SHISA9: variants seen among roughly 807,000 people sequenced by gnomAD.
SHISA9 encodes shisa family member 9, also known as protein shisa-9.
SHISA9 carries 13 observed loss-of-function variants against 38.0 expected under a neutral mutation model. The observed-to-expected ratio is 0.34, with a 90% CI of 0.22 to 0.54. The LOEUF is 0.54. SHISA9 is among the 20% of genes least tolerant of loss of function. The probability of loss-of-function intolerance (pLI) is 0.91; values close to 1 mark genes in which losing one functional copy is unlikely to be tolerated. For missense variants in SHISA9, 538 were observed against 575.8 expected, an observed-to-expected ratio of 0.93 and a Z score of 0.67; for synonymous variants, 275 against 242.0, an observed-to-expected ratio of 1.14 and a Z score of -1.27.
chr16:12,952,305 G>A (rs557617215), intron 2 of SHISA9, among the ~76,000 whole-genome samples: 4 of 152,312 alleles, frequency 2.6e-5, no homozygotes, highest in African/African-American at 7.2e-5. Context: ...CTGGGCCTGT[G>A]CATCTCCTCT....
At chr16:13,216,137 A>G (rs992844429) in intron 4 of SHISA9, among the ~76,000 whole-genome samples, 1 of 150,366 alleles carries the variant, frequency 6.7e-6, no homozygotes, top group African/African-American at 2.5e-5. Flanking sequence ...CAGTGAGCCA[A>G]GATCATGCCA....
At chr16:13,542,852 G>C in the SHISA9 span, among the ~76,000 whole-genome samples, 1 of 152,186 alleles carries the variant, frequency 6.6e-6, no homozygotes, top group African/African-American at 2.4e-5. Flanking sequence ...CATCAACTGA[G>C]AGCGTTTCTG....
At chr16:13,317,638 G>T in the SHISA9 span, among the ~76,000 whole-genome samples, 1 of 152,074 alleles carries the variant, frequency 6.6e-6, no homozygotes, top group South Asian at 2.1e-4. Context: ...CTCAGTCCCT[G>T]CCTCTGTAGA....
chr16:13,484,326 C>CAATT, the SHISA9 span, among the ~76,000 whole-genome samples: 1 of 152,144 alleles, frequency 6.6e-6, no homozygotes, highest in Non-Finnish European at 1.5e-5. Context: ...ACCCCTTGTA[C>CAATT]AATTGTAACT....
intron 2 of SHISA9, among the ~76,000 whole-genome samples, chr16:13,133,938 T>TA (rs2050326137): frequency 6.6e-6 from 1 of 152,234 alleles, no homozygotes; most frequent in South Asian, 2.1e-4. Flanking sequence ...ATAAAGCAGA[T>TA]AAAATCTTAG....
In SHISA9 at chr16:12,954,710, CATTTTTATTTTA is replaced by C. The variant is rs2071805080; in HGVS notation, c.691+37896_691+37907del. Among the ~76,000 whole-genome samples the C allele has an allele frequency of 7.2e-5, 11 of 152,282 alleles. No individual in the cohort carries two copies. In the South Asian group the frequency reaches 2.3e-3, roughly 32 times the overall value. ...TATTCTGTGGAATAAATACTACTAT[CATTTTTATTTTA>C]CAGATTAGGAAACAGTTGTAGAGGG... On this transcript the variant is annotated intron_variant, in intron 2 of 4. Transcript: ENST00000558583.
At chr16:13,416,791 GGGAA>G in the SHISA9 span, among the ~76,000 whole-genome samples, 115 of 73,034 alleles carry the variant, frequency 1.6e-3, 1 homozygote, top group South Asian at 0.017. Flanking sequence ...AAGGAAGGAA[GGGAA>G]GGAAGGAAGG....
At chr16:13,081,284 C>G (rs757438437) in intron 2 of SHISA9, among the ~76,000 whole-genome samples, 1 of 152,078 alleles carries the variant, frequency 6.6e-6, no homozygotes. Flanking sequence ...AGTGCCTGGT[C>G]TAGATTGAGA....
intron 2 of SHISA9, among the ~76,000 whole-genome samples, chr16:12,991,099 T>G (rs891288293): frequency 6.6e-6 from 1 of 152,198 alleles, no homozygotes; most frequent in Non-Finnish European, 1.5e-5. Flanking sequence ...TTGTTTTAAT[T>G]GGTATTCTTT....
intron 2 of SHISA9, among the ~76,000 whole-genome samples, chr16:12,933,417 T>C (rs572247169): frequency 4.9e-4 from 74 of 152,188 alleles, no homozygotes; most frequent in African/African-American, 1.7e-3. Flanking sequence ...TCAGCCTCAG[T>C]CCCTGTAGCT....
intron 2 of SHISA9, among the ~76,000 whole-genome samples, chr16:13,060,043 T>C (rs1416103869): frequency 1.3e-5 from 2 of 152,172 alleles, no homozygotes; most frequent in Non-Finnish European, 2.9e-5. Context: ...ATTACCCCCA[T>C]TTGACAGGCG....
chr16:13,088,704 T>A (rs974071884), intron 2 of SHISA9, among the ~76,000 whole-genome samples: 1 of 152,216 alleles, frequency 6.6e-6, no homozygotes, highest in Admixed American at 6.5e-5. Context: ...CTTAAGGAGA[T>A]TTTGGGCTGA....
At chr16:13,133,767 A>G (rs188930466) in intron 2 of SHISA9, among the ~76,000 whole-genome samples, 2 of 152,302 alleles carry the variant, frequency 1.3e-5, no homozygotes, top group East Asian at 3.9e-4. Flanking sequence ...CTACATCTTC[A>G]TCACTCTCAT....
chr16:13,451,093 C>T, the SHISA9 span, among the ~76,000 whole-genome samples: 6 of 152,238 alleles, frequency 3.9e-5, no homozygotes, highest in South Asian at 4.1e-4. Context: ...GCCTGCTTCC[C>T]GGGAACAGCC....
rs879473295 is a variant in SHISA9 at position 12,950,617 on chromosome 16, GT to G, written c.691+33814del. Among the ~76,000 whole-genome samples the G allele has an allele frequency of 3.5e-3, 497 of 143,450 alleles. 5 individuals are homozygous for G. The highest frequency in any genetic ancestry group is 0.01 in the African/African-American group (400 of 39,418). 94.1% of individuals were successfully genotyped at this position (143,450 alleles called of 152,430 possible). ...GATCTACCATATGACCTTTTAATTT[GT>G]TTTTTTTTTTTGAGATGGAGTGTCA... On this transcript the variant is annotated intron_variant, in intron 2 of 4. Transcript: ENST00000558583.
chr16:13,010,857 C>T (rs2072664139), intron 2 of SHISA9, among the ~76,000 whole-genome samples: 1 of 152,136 alleles, frequency 6.6e-6, no homozygotes, highest in Admixed American at 6.5e-5. Flanking sequence ...GAGGCTGAGG[C>T]ACAAGAATCG....
At chr16:13,550,864 T>C in the SHISA9 span, among the ~76,000 whole-genome samples, 1,338 of 152,018 alleles carry the variant, frequency 8.8e-3, 19 homozygotes, top group African/African-American at 0.029. Flanking sequence ...TGGCTCACAC[T>C]TGTAATCCCA....
intron 4 of SHISA9, among the ~76,000 whole-genome samples, chr16:13,227,459 G>A (rs1366145722): frequency 6.6e-6 from 1 of 152,308 alleles, no homozygotes; most frequent in Middle Eastern, 3.4e-3. Flanking sequence ...GGCATAAGTG[G>A]CTAAGGAGTG....
intron 4 of SHISA9, among the ~76,000 whole-genome samples, chr16:13,228,821 T>C (rs1404783901): frequency 3.3e-5 from 5 of 152,176 alleles, no homozygotes; most frequent in Non-Finnish European, 7.4e-5. Context: ...CTAGTACTTA[T>C]TATTTTTCCT....
Sources: allele counts gnomAD v4.1 joint callset (sites outside exome capture counted in the v4.1 genomes callset), GRCh38; gene constraint gnomAD v4.1.1; transcripts MANE v1.5; gene names NCBI Gene and HGNC (gene_info 2026-07-23, HGNC 2026-07-21).